The following PCDHGB3 variants were observed in gnomAD, a reference collection of about 807,000 sequenced individuals.
The protein encoded by PCDHGB3 is protocadherin gamma-B3.
In PCDHGB3, 40 loss-of-function variants were observed where a neutral mutation model predicts 59.2. The ratio of observed to expected loss-of-function variants is 0.68; its 90% CI spans 0.52 to 0.88. The LOEUF (loss-of-function observed/expected upper bound fraction) is 0.88. PCDHGB3 is among the 40% of genes least tolerant of loss of function. The pLI, the probability that PCDHGB3 is intolerant of heterozygous loss-of-function variation, is 0.00. For synonymous variants in PCDHGB3, 581 were observed against 503.6 expected, an observed-to-expected ratio of 1.15 and a Z score of -2.06; for missense variants, 1,309 against 1,187.9, an observed-to-expected ratio of 1.10 and a Z score of -1.50.
rs113107293 is a variant in PCDHGB3, at chr5:141,432,844, A to G, written c.2415+60035A>G. ...CAGACCTCACTCTGTACCTGGTGGTAGCGGTGGCCGCGGTCTCCTGCGTCT... is the reference window on the plus strand; with the variant it reads ...CAGACCTCACTCTGTACCTGGTGGTGGCGGTGGCCGCGGTCTCCTGCGTCT... On this transcript the variant is annotated intron_variant, in intron 1 of 3. Coordinates refer to ENST00000576222, the MANE Select transcript of PCDHGB3 (RefSeq NM_018924.5). This position sits in a 1 kb window ranked among gnomAD's most constrained non-coding sequence, Gnocchi z 6.0. 0.01 allele frequency: 16,860 copies of G among 1,614,178 alleles called. 121 individuals carry two copies. Among genetic ancestry groups the G allele is most frequent in the Non-Finnish European group, 0.012 (14,441 of 1,180,006 alleles).
Position 141,370,988 on chromosome 5 carries a change from A to G in PCDHGB3, c.594A>G (p.Ala198=), listed in dbSNP as rs760427095. 6.2e-7 allele frequency: 1 copy of G among 1,613,750 alleles called. No homozygotes were observed. The highest frequency in any genetic ancestry group is 1.3e-5 in the African/African-American group (1 of 74,938). ...GSRYPELVLK[A]PLDREEQPHH... ...GGTACCCAGAGCTAGTACTGAAAGC[A>G]CCCCTGGACAGGGAAGAGCAGCCAC... Residue 198 remains alanine (A), a synonymous_variant, in exon 1 of 4, where the codon GCA becomes GCG. Coordinates refer to ENST00000576222, the MANE Select transcript of PCDHGB3 (RefSeq NM_018924.5).
chr5:141,394,915 CCT>C, intron 1 of PCDHGB3: 1 of 1,613,774 alleles, frequency 6.2e-7, no homozygotes, highest in South Asian at 1.1e-5. Flanking sequence ...GCTGCCATCT[CCT>C]GTGTCTTCCT....
At chr5:141,404,396 A>C (rs2094523935) in intron 1 of PCDHGB3, 2 of 1,613,816 alleles carry the variant, frequency 1.2e-6, no homozygotes, top group Non-Finnish European at 1.7e-6. Context: ...CCCTGATAGC[A>C]ATGAGAATTC....
At chr5:141,404,176 A>C (rs763166170) in intron 1 of PCDHGB3, 2 of 1,613,206 alleles carry the variant, frequency 1.2e-6, no homozygotes, top group African/African-American at 2.7e-5. Context: ...TGACGGCCCA[A>C]ATTCTTGACC....
chr5:141,415,247 C>G, intron 1 of PCDHGB3: 1 of 1,614,210 alleles, frequency 6.2e-7, no homozygotes. Context: ...TCTGAAACCT[C>G]AGACCTCACT....
At chr5:141,439,266 G>A (rs1314903524) in intron 1 of PCDHGB3, among the ~76,000 whole-genome samples, 1 of 151,952 alleles carries the variant, frequency 6.6e-6, no homozygotes, top group Non-Finnish European at 1.5e-5. Context: ...TCAGCCAACA[G>A]TTCATTCTGA....
rs1260157676 is a variant in PCDHGB3, at chr5:141,373,137, T to G, written c.2415+328T>G. On this transcript the variant is annotated intron_variant, in intron 1 of 3. Transcript: ENST00000576222. ...CAGAATTAGACCCAAATCCTCACAA[T>G]TAAGTGGTTTACTTAGTTTTAATGC... Among the ~76,000 whole-genome samples, 5 of 152,372 alleles carry G rather than the reference T, an allele frequency of 3.3e-5. No individual in the cohort carries two copies. The East Asian group carries it at 7.7e-4, about 23-fold the overall frequency.
intron 1 of PCDHGB3, chr5:141,397,891 A>G: frequency 3.2e-6 from 2 of 631,130 alleles, no homozygotes; most frequent in Non-Finnish European, 5.3e-6. Context: ...CTGTTGGCCA[A>G]AGTGCAGAGC....
intron 1 of PCDHGB3, among the ~76,000 whole-genome samples, chr5:141,437,450 G>A (rs2097885331): frequency 6.6e-6 from 1 of 152,148 alleles, no homozygotes; most frequent in Non-Finnish European, 1.5e-5. Context: ...GAATGTTGAG[G>A]AGACTATACT....
intron 2 of PCDHGB3, among the ~76,000 whole-genome samples, chr5:141,504,926 TGGTG>T (rs1312481961): frequency 1.3e-5 from 2 of 151,946 alleles, no homozygotes; most frequent in Non-Finnish European, 2.9e-5. Context: ...GGCTCTCTCA[TGGTG>T]GGTGGGGGAA....
At chr5:141,465,923 C>G (rs908350232) in intron 1 of PCDHGB3, among the ~76,000 whole-genome samples, 2 of 152,062 alleles carry the variant, frequency 1.3e-5, no homozygotes, top group African/African-American at 4.8e-5. Flanking sequence ...GATTTCGAGT[C>G]CATCCTGGCT....
intron 1 of PCDHGB3, chr5:141,421,909 C>T: frequency 1.9e-6 from 3 of 1,613,710 alleles, no homozygotes; most frequent in Non-Finnish European, 2.5e-6. Context: ...GGGCGCAGTT[C>T]CCATTCGTGT....
intron 1 of PCDHGB3, chr5:141,374,195 G>T (rs1770254935): frequency 1.2e-6 from 2 of 1,613,752 alleles, no homozygotes; most frequent in East Asian, 2.2e-5. Context: ...TATTCCCGAG[G>T]AGCTGGAGAA....
Position 141,372,458 on chromosome 5 carries a change from A to G in PCDHGB3, c.2064A>G (p.Leu688=), listed in dbSNP as rs778949462. The change falls in exon 1 of 4, where the codon CTA becomes CTG. Residue 688 remains leucine (L), a synonymous_variant. Transcript: ENST00000576222. ...RPTPSDPQAE[L]QFHLVVALAL... is the part of the protein sequence containing the mutation. Reference sequence around the variant, plus strand: ...CTCCCTCTGACCCTCAGGCGGAGCTACAGTTTCACCTAGTAGTGGCGTTGG... The same window carrying G: ...CTCCCTCTGACCCTCAGGCGGAGCTGCAGTTTCACCTAGTAGTGGCGTTGG... 6 of 1,614,044 alleles carry G rather than the reference A, an allele frequency of 3.7e-6. No homozygotes were observed. Among genetic ancestry groups the G allele is most frequent in the South Asian group, 2.2e-5 (2 of 91,088 alleles).
At chr5:141,382,189 A>G (rs1588915821) in intron 1 of PCDHGB3, among the ~76,000 whole-genome samples, 1 of 152,174 alleles carries the variant, frequency 6.6e-6, no homozygotes, top group African/African-American at 2.4e-5. Flanking sequence ...GGTTCTATAC[A>G]ATCAAAAATT....
In PCDHGB3 at chr5:141,487,186, A is replaced by G; in HGVS notation, c.2416-7621A>G. 4 of 1,613,760 alleles carry G rather than the reference A, an allele frequency of 2.5e-6. No individual in the cohort carries two copies. The highest frequency in any genetic ancestry group is 2.5e-6 in the Non-Finnish European group (3 of 1,179,662). ...TGTCCTTAGAGGAAGACACTCATCC[A>G]GTTGTCCCAGATCTTCGAGAATCTT... is the stretch of plus-strand genomic sequence containing the variant. On this transcript the variant is annotated intron_variant, in intron 1 of 3. Coordinates refer to ENST00000576222, the MANE Select transcript of PCDHGB3 (RefSeq NM_018924.5). This position sits in a 1 kb window ranked among gnomAD's most constrained non-coding sequence, Gnocchi z 5.0.
chr5:141,435,910 G>T (rs1296707748), intron 1 of PCDHGB3, among the ~76,000 whole-genome samples: 2 of 152,112 alleles, frequency 1.3e-5, no homozygotes, highest in Non-Finnish European at 2.9e-5. Flanking sequence ...ACATCCAAGG[G>T]CTCTAAAATG....
chr5:141,383,277 T>C, intron 1 of PCDHGB3: 9 of 1,613,888 alleles, frequency 5.6e-6, no homozygotes, highest in Non-Finnish European at 7.6e-6. Context: ...TAATAGATAT[T>C]AATGACAACG....
At chr5:141,384,090 A>T in intron 1 of PCDHGB3, 3 of 1,596,410 alleles carry the variant, frequency 1.9e-6, no homozygotes, top group Non-Finnish European at 2.6e-6. Flanking sequence ...TAGAAAAATC[A>T]ATAGATAATT....
Sources: allele counts gnomAD v4.1 joint callset (sites outside exome capture counted in the v4.1 genomes callset), GRCh38; gene constraint gnomAD v4.1.1; non-coding constraint Gnocchi (gnomAD v3.1); transcripts MANE v1.5; gene names NCBI Gene and HGNC (gene_info 2026-07-23, HGNC 2026-07-21).